Variants in DDX19B observed in about 807,000 individuals in gnomAD.
DDX19B encodes DEAD-box helicase 19B.
Under a neutral mutation model 58.1 loss-of-function variants are expected in DDX19B, and 27 were observed. That is an observed-to-expected ratio of 0.46 (90% CI 0.34 to 0.64). The LOEUF is 0.64. DDX19B is among the 30% of genes least tolerant of loss of function. DDX19B has a pLI of 0.01. For synonymous variants in DDX19B, 187 were observed against 214.4 expected, an observed-to-expected ratio of 0.87 and a Z score of 1.12; for missense variants, 399 against 596.5, an observed-to-expected ratio of 0.67 and a Z score of 3.45.
intron 7 of DDX19B, among the ~76,000 whole-genome samples, 153 bp from the exon 8 acceptor site, chr16:70,329,139 C>A (rs1299739116): frequency 6.7e-6 from 1 of 148,812 alleles, no homozygotes; most frequent in Non-Finnish European, 1.5e-5. Flanking sequence ...AGGAGAATCG[C>A]TTGAACCTGG....
upstream of DDX19B, chr16:70,289,826 T>C (rs1011164112): frequency 5.8e-5 from 23 of 394,212 alleles, 1 homozygote; most frequent in African/African-American, 2.3e-4. Context: ...AACACCACAA[T>C]TGACATAGTT....
intron 3 of DDX19B, among the ~76,000 whole-genome samples, 200 bp downstream of exon 3, chr16:70,315,155 T>C (rs1293613208): frequency 6.7e-6 from 1 of 149,616 alleles, no homozygotes; most frequent in Admixed American, 6.8e-5. Context: ...GGTGGGCAGA[T>C]CACGAGGTCA....
chr16:70,304,573 A>G (rs1961660977), intron 1 of DDX19B, among the ~76,000 whole-genome samples: 1 of 151,456 alleles, frequency 6.6e-6, no homozygotes, highest in Non-Finnish European at 1.5e-5. Context: ...GGGTTTCACC[A>G]TGTTGGCCAG....
In DDX19B at chr16:70,333,879, G is replaced by C. The variant is rs560853884; in HGVS notation, c.*297G>C. 2.1e-6 allele frequency: 1 copy of C among 478,662 alleles called. No homozygotes were observed. Among genetic ancestry groups the C allele is most frequent in the African/African-American group, 2.0e-5 (1 of 51,114 alleles). 29.7% of individuals were successfully genotyped at this position (478,662 alleles called of 1,614,324 possible). On this transcript the variant is annotated 3_prime_UTR_variant, in exon 12 of 12. Coordinates refer to ENST00000288071, the MANE Select transcript of DDX19B (RefSeq NM_007242.7). ...TTTCCTTCATGCTAATCTAGATGCTGTGGCTGATTACTTGCCCAGGATCTC... is the reference window on the plus strand; with the variant it reads ...TTTCCTTCATGCTAATCTAGATGCTCTGGCTGATTACTTGCCCAGGATCTC...
At chr16:70,328,245 T>G (rs540291506) in intron 7 of DDX19B, among the ~76,000 whole-genome samples, 1 of 152,166 alleles carries the variant, frequency 6.6e-6, no homozygotes, top group African/African-American at 2.4e-5. Flanking sequence ...TACAGTGTCC[T>G]AATGCCAACT....
intron 1 of DDX19B, among the ~76,000 whole-genome samples, chr16:70,311,944 C>T (rs571621090): frequency 1.3e-5 from 2 of 151,988 alleles, no homozygotes; most frequent in African/African-American, 4.8e-5. Flanking sequence ...TGGGTTCAAG[C>T]GATTCTCCTG....
upstream of DDX19B, chr16:70,295,170 C>A: frequency 1.1e-6 from 1 of 923,788 alleles, no homozygotes; most frequent in Non-Finnish European, 1.4e-6. Context: ...ATTCCCCGAA[C>A]ACTCTTCTTT....
rs532413880 is a variant in DDX19B at position 70,309,041 on chromosome 16, CT to C, written c.58-3557del. ...GATTTTTACTGCTTTATAATGATTT[CT>C]TTTTTTTTTTGTTTGTTTTTCAGTC... is the stretch of plus-strand genomic sequence containing the variant. On this transcript the variant is annotated intron_variant, in intron 1 of 11. Coordinates refer to ENST00000288071, the MANE Select transcript of DDX19B (RefSeq NM_007242.7). Among the ~76,000 whole-genome samples, 562 of 146,364 alleles carry C rather than the reference CT, an allele frequency of 3.8e-3. 1 individual carries two copies. Among genetic ancestry groups the C allele is most frequent in the Admixed American group, 9.0e-3 (132 of 14,598 alleles).
intron 1 of DDX19B, among the ~76,000 whole-genome samples, chr16:70,300,090 C>G (rs1325383867): frequency 2.0e-5 from 3 of 152,016 alleles, no homozygotes; most frequent in African/African-American, 7.2e-5. Context: ...AGAATAAGAA[C>G]CTTGTCTTTT....
At chr16:70,298,605 C>T (rs575031583), upstream of DDX19B, among the ~76,000 whole-genome samples, 8 of 152,078 alleles carry the variant, frequency 5.3e-5, no homozygotes, top group South Asian at 1.7e-3. Context: ...CCTTCCGCCT[C>T]GGCCTCCAGA....
chr16:70,321,225 G>A (rs567180381), intron 5 of DDX19B, among the ~76,000 whole-genome samples: 2 of 152,232 alleles, frequency 1.3e-5, no homozygotes, highest in South Asian at 2.1e-4. Flanking sequence ...GCCTCCCAAA[G>A]TGCTGGGATC....
rs756212726 is a variant in DDX19B, at chr16:70,329,868, G to A, written c.823G>A (p.Ala275Thr). Residue 275 changes from alanine to threonine, a missense_variant, in exon 9 of 12, where the codon GCC becomes ACC. By Grantham distance (58) the Ala-to-Thr change is moderately conservative. Around this residue, in one of 4 missense-constraint regions of DDX19B, gnomAD observed 198 missense variants for 345.9 expected, o/e 0.57. Transcript: ENST00000288071. ...PRNCQMLLFS[A>T]TFEDSVWKFA... ...GAACTGCCAGATGCTGCTTTTCTCCGCCACCTTTGAAGACTCTGTGTGGAA... is the reference window on the plus strand; with the variant it reads ...GAACTGCCAGATGCTGCTTTTCTCCACCACCTTTGAAGACTCTGTGTGGAA... 9 of 1,614,052 alleles carry A rather than the reference G, an allele frequency of 5.6e-6. No individual in the cohort carries two copies. Among genetic ancestry groups the A allele is most frequent in the African/African-American group, 4.0e-5 (3 of 74,916 alleles).
intron 4 of DDX19B, 78 bp downstream of exon 4, chr16:70,316,182 A>C (rs1597480512): frequency 6.4e-7 from 1 of 1,556,796 alleles, no homozygotes; most frequent in Non-Finnish European, 8.7e-7. Flanking sequence ...ATATCTTTTG[A>C]CCACAACAGA....
At chr16:70,293,930 C>G (rs189733743), upstream of DDX19B, among the ~76,000 whole-genome samples, 550 of 151,734 alleles carry the variant, frequency 3.6e-3, 2 homozygotes, top group African/African-American at 0.012. Context: ...TTTTTAAGAA[C>G]CTCTAAAGGA....
In DDX19B at chr16:70,312,662, G is replaced by C. The variant is rs753558448; in HGVS notation, c.106+5G>C. 11 of 1,608,134 alleles carry C rather than the reference G, an allele frequency of 6.8e-6. No individual in the cohort carries two copies. In the East Asian group the frequency reaches 2.2e-4, roughly 33 times the overall value. On this transcript the variant is annotated splice_donor_5th_base_variant and intron_variant, in intron 2 of 11. Transcript: ENST00000288071. ...AAATCAAACCAGATACCAATGGTAA[G>C]TAACTAATAGCTAGTTTGAAAACAA... is the stretch of plus-strand genomic sequence containing the variant.
At chr16:70,313,251 C>T (rs1364981153) in intron 2 of DDX19B, among the ~76,000 whole-genome samples, 1 of 152,116 alleles carries the variant, frequency 6.6e-6, no homozygotes, top group South Asian at 2.1e-4. Context: ...ATCTCCTGAC[C>T]TCATGATCCA....
chr16:70,289,786 C>A, upstream of DDX19B: 5 of 405,766 alleles, frequency 1.2e-5, no homozygotes, highest in South Asian at 8.1e-5. Flanking sequence ...TCCCGGAGGT[C>A]GACATTTTGG....
chr16:70,308,732 C>CA (rs1289017760), intron 1 of DDX19B, among the ~76,000 whole-genome samples: 2 of 151,888 alleles, frequency 1.3e-5, no homozygotes, highest in African/African-American at 2.4e-5. Context: ...AGGCTTGTCT[C>CA]AAACTCCTGG....
chr16:70,294,793 G>A, upstream of DDX19B: 1 of 1,382,282 alleles, frequency 7.2e-7, no homozygotes, highest in East Asian at 2.6e-5. Flanking sequence ...GCTCCGGCTT[G>A]GCCAGTGCCA....
Sources: allele counts gnomAD v4.1 joint callset (sites outside exome capture counted in the v4.1 genomes callset), GRCh38; gene constraint gnomAD v4.1.1; regional missense constraint gnomAD v4.1.1; transcripts MANE v1.5; gene names NCBI Gene and HGNC (gene_info 2026-07-23, HGNC 2026-07-21).